TTLL1: variants seen among roughly 807,000 people sequenced by gnomAD.
The protein encoded by TTLL1 is TTL family tubulin polyglutamylase complex subunit L1, also known as polyglutamylase complex subunit TTLL1.
A neutral mutation model predicts 47.8 loss-of-function variants in TTLL1; 33 were observed. The observed-to-expected ratio is 0.69, with a 90% CI of 0.52 to 0.92. The LOEUF (loss-of-function observed/expected upper bound fraction) is 0.92. Among genes scored for constraint, TTLL1 ranks in the 40% least tolerant of loss-of-function variants. TTLL1 has a pLI of 0.00. For missense variants in TTLL1, 488 were observed against 547.5 expected (o/e 0.89, Z 1.08); for synonymous variants, 225 against 214.1 (o/e 1.05, Z -0.45).
intron 3 of TTLL1, chr22:43,070,220 GA>G: frequency 1.5e-6 from 2 of 1,325,892 alleles, no homozygotes; most frequent in South Asian, 2.5e-5. Context: ...GATCTGTACC[GA>G]AATTCAGGAA....
intron 9 of TTLL1, among the ~76,000 whole-genome samples, chr22:43,048,174 A>T (rs1272236414): frequency 6.6e-6 from 1 of 151,820 alleles, no homozygotes; most frequent in East Asian, 1.9e-4. Context: ...AAAATTAGCC[A>T]AGTGTGGTGG....
At chr22:43,077,087 T>C (rs540193710) in intron 2 of TTLL1, among the ~76,000 whole-genome samples, 4 of 151,446 alleles carry the variant, frequency 2.6e-5, no homozygotes, top group African/African-American at 4.8e-5. Context: ...GGTGACAGAG[T>C]GAGACTCCAC....
At chr22:43,068,942 T>C (rs574829739) in intron 4 of TTLL1, among the ~76,000 whole-genome samples, 1 of 152,272 alleles carries the variant, frequency 6.6e-6, no homozygotes, top group African/African-American at 2.4e-5. Flanking sequence ...AACTATTCAG[T>C]CCAGCTTTTA....
At chr22:43,072,301 T>C (rs1928183261) in intron 3 of TTLL1, among the ~76,000 whole-genome samples, 1 of 151,620 alleles carries the variant, frequency 6.6e-6, no homozygotes, top group South Asian at 2.1e-4. Context: ...CTACCGGCAC[T>C]CGCCACCACG....
At chr22:43,069,598 G>A in intron 4 of TTLL1, 38 bp downstream of exon 4, 2 of 1,613,074 alleles carry the variant, frequency 1.2e-6, no homozygotes, top group Non-Finnish European at 1.7e-6. Flanking sequence ...AAATTCAGCT[G>A]TTTACTGAAA....
chr22:43,082,395 G>T (rs996749051), intron 1 of TTLL1, among the ~76,000 whole-genome samples: 5 of 152,020 alleles, frequency 3.3e-5, no homozygotes, highest in African/African-American at 1.2e-4. Flanking sequence ...CTTTTTATGT[G>T]AGAAAATCTT....
intron 5 of TTLL1, among the ~76,000 whole-genome samples, chr22:43,065,242 T>C (rs1927652949): frequency 6.6e-6 from 1 of 152,110 alleles, no homozygotes; most frequent in Admixed American, 6.6e-5. Flanking sequence ...TAATGTGAAC[T>C]ATGGCCTTTG....
chr22:43,062,922 A>G (rs1224283021), intron 7 of TTLL1, among the ~76,000 whole-genome samples: 1 of 152,222 alleles, frequency 6.6e-6, no homozygotes. Context: ...AATAGCCTGA[A>G]GTTGGGCAAA....
chr22:43,040,118 A>G, intron 10 of TTLL1: 2 of 555,120 alleles, frequency 3.6e-6, no homozygotes, highest in South Asian at 4.0e-5. Context: ...AATGCTCCCC[A>G]AGGCCAGCCT....
At chr22:43,041,852 A>G (rs1925708566) in intron 10 of TTLL1, among the ~76,000 whole-genome samples, 2 of 152,142 alleles carry the variant, frequency 1.3e-5, no homozygotes, top group South Asian at 2.1e-4. Context: ...CAGACACCAC[A>G]GGGATCCAGG....
At chr22:43,070,923 T>G (rs996146145) in intron 3 of TTLL1, among the ~76,000 whole-genome samples, 16 of 152,148 alleles carry the variant, frequency 1.1e-4, no homozygotes, top group South Asian at 1.0e-3. Flanking sequence ...ATGTATGTAT[T>G]TATTTTTGAG....
At chr22:43,078,549 A>G (rs1601701917) in intron 2 of TTLL1, among the ~76,000 whole-genome samples, 2 of 151,858 alleles carry the variant, frequency 1.3e-5, no homozygotes, top group African/African-American at 4.8e-5. Context: ...AAGGAAACAG[A>G]CTCAAGGGAG....
At chr22:43,062,958 T>C (rs1275676590) in intron 7 of TTLL1, among the ~76,000 whole-genome samples, 1 of 152,240 alleles carries the variant, frequency 6.6e-6, no homozygotes, top group African/African-American at 2.4e-5. Flanking sequence ...GCCTATTTTA[T>C]AATAAAGCGT....
chr22:43,083,441 A>G (rs1929028740), intron 1 of TTLL1, among the ~76,000 whole-genome samples: 1 of 151,936 alleles, frequency 6.6e-6, no homozygotes, highest in Non-Finnish European at 1.5e-5. Flanking sequence ...TCCTAAAACA[A>G]ACATAGGCTG....
intron 1 of TTLL1, among the ~76,000 whole-genome samples, chr22:43,087,353 C>A (rs1345079865): frequency 2.0e-5 from 3 of 146,696 alleles, no homozygotes; most frequent in Non-Finnish European, 4.5e-5. Context: ...GGTGAAACCC[C>A]GTCTCTACTA....
intron 10 of TTLL1, among the ~76,000 whole-genome samples, chr22:43,043,155 G>A (rs575736582): frequency 6.6e-6 from 1 of 151,968 alleles, no homozygotes; most frequent in African/African-American, 2.4e-5. Context: ...TGGCCAGGCT[G>A]GTCTTGAACT....
At position 43,064,191 on chromosome 22, in the gene TTLL1, T is replaced by G; in HGVS notation, c.637A>C (p.Met213Leu). 6.2e-7 allele frequency: 1 copy of G among 1,607,382 alleles called. No homozygotes were observed. The highest frequency in any genetic ancestry group is 1.3e-5 in the African/African-American group (1 of 74,708). ...VSTYRPLRCYMYKLGFCRFCT... is the reference protein window; with the variant it reads ...VSTYRPLRCYLYKLGFCRFCT... Reference sequence around the variant, plus strand: ...AACCAAAACCTTAGGGACGCTTACATGTAACAGCGCAGTGGACGGTACGTG... The same window carrying G: ...AACCAAAACCTTAGGGACGCTTACAGGTAACAGCGCAGTGGACGGTACGTG... Residue 213 changes from methionine to leucine, a missense_variant and splice_region_variant, in exon 6 of 11, where the codon ATG becomes CTG. By Grantham distance (15) the Met-to-Leu change is conservative. Coordinates refer to ENST00000266254, the MANE Select transcript of TTLL1 (RefSeq NM_012263.5).
intron 3 of TTLL1, among the ~76,000 whole-genome samples, chr22:43,072,168 T>C (rs191269465): frequency 3.4e-4 from 52 of 151,350 alleles, no homozygotes; most frequent in African/African-American, 1.2e-3. Context: ...TTTTTTTTTT[T>C]TTTGAGACGG....
chr22:43,047,825 T>C (rs1926264327), intron 9 of TTLL1, among the ~76,000 whole-genome samples: 1 of 152,056 alleles, frequency 6.6e-6, no homozygotes, highest in South Asian at 2.1e-4. Context: ...TGGTTAGCTG[T>C]TTCAGGCCAT....
Sources: gnomAD v4.1 joint callset for allele counts (sites outside exome capture counted in the v4.1 genomes callset) on GRCh38, gnomAD v4.1.1 for gene constraint, MANE v1.5 for transcripts, NCBI Gene and HGNC (gene_info 2026-07-23, HGNC 2026-07-21) for gene names.